The following FER1L5 variants were observed in gnomAD, a reference collection of about 807,000 sequenced individuals.
FER1L5 encodes the protein fer-1 like family member 5.
In FER1L5, 187 loss-of-function variants were observed where a neutral mutation model predicts 279.9. That is an observed-to-expected ratio of 0.67 (90% confidence interval 0.59 to 0.75). The LOEUF (loss-of-function observed/expected upper bound fraction) is 0.75. Among genes scored for constraint, FER1L5 ranks in the 30% least tolerant of loss-of-function variants. The pLI, the probability that FER1L5 is intolerant of heterozygous loss-of-function variation, is 0.00. For synonymous variants in FER1L5, 921 were observed against 989.7 expected (o/e 0.93, Z 1.30); for missense variants, 2,091 against 2,594.4 (o/e 0.81, Z 4.21).
Position 96,685,376 on chromosome 2 carries a change from A to T in FER1L5, c.1842A>T (p.Pro614=). Residue 614 remains proline (P), a synonymous_variant, in exon 21 of 53, where the codon CCA becomes CCT. Transcript: ENST00000624922. Reference sequence around the variant, plus strand: ...AATCCACGCGGAATCCGAAGGATCCAGCTCTCCTCTACCAGTGGGAGAAAC... The same window carrying T: ...AATCCACGCGGAATCCGAAGGATCCTGCTCTCCTCTACCAGTGGGAGAAAC... ...TLKSTRNPKD[P]ALLYQWEKLL... is the part of the protein sequence containing the mutation. The T allele has an allele frequency of 1.3e-6, 2 of 1,551,428 alleles. No homozygotes were observed. Among genetic ancestry groups the T allele is most frequent in the Non-Finnish European group, 1.7e-6 (2 of 1,146,890 alleles).
In FER1L5 at chr2:96,642,847, T is replaced by C; in HGVS notation, c.11T>C (p.Leu4Pro). The C allele has an allele frequency of 2.6e-6, 4 of 1,550,932 alleles. No individual in the cohort carries two copies. The highest frequency in any genetic ancestry group is 1.4e-5 in the African/African-American group (1 of 73,136). MLR[L>P]VVQSAKIDPP... ...AAGTAGGTCTCCGAGATGCTGCGGC[T>C]TGTGGTGCAGTCGGCCAAGATTGAC... Residue 4 changes from leucine to proline, a missense_variant, in exon 1 of 53, where the codon CTT becomes CCT. Physicochemically the swap from Leu to Pro is moderately conservative, Grantham distance 98. Coordinates refer to ENST00000624922, the MANE Select transcript of FER1L5 (RefSeq NM_001293083.2).
In FER1L5 at chr2:96,659,350, CTT is replaced by C. The variant is rs2075771770; in HGVS notation, c.748-990_748-989del. On this transcript the variant is annotated intron_variant, in intron 9 of 52. Transcript: ENST00000624922. ...CCTTCCTTCCTTCCTTCCTTCCTTC[CTT>C]CCTTCCTTCCTTCTTTCTTTCTTTC... Among the ~76,000 whole-genome samples the C allele has an allele frequency of 6.7e-5, 5 of 74,960 alleles. 1 individual carries two copies. The highest frequency in any genetic ancestry group is 2.7e-4 in the African/African-American group (5 of 18,788). 49.2% of individuals were successfully genotyped at this position (74,960 alleles called of 152,430 possible). A position where few individuals can be genotyped will look rare whatever the true frequency, so the allele number is the denominator to read the frequency against.
chr2:96,692,953 C>G lies in FER1L5; in HGVS notation c.3293-553C>G, dbSNP rs374799701. On this transcript the variant is annotated intron_variant, in intron 31 of 52. Transcript: ENST00000624922. ...TGCACTTTGGGAGGCCAAGGTGGGC[C>G]GATCACGAGGTCAGGAATTCGAGAC... is the stretch of plus-strand genomic sequence containing the variant. Among the ~76,000 whole-genome samples, 23 of 152,028 alleles carry G rather than the reference C, an allele frequency of 1.5e-4. No individual in the cohort carries two copies. The East Asian group carries it at 2.1e-3, about 14-fold the overall frequency.
At chr2:96,659,290 T>TTTCCTTCCTTCCCTCCCTCCTTCC (rs2075735258) in intron 9 of FER1L5, among the ~76,000 whole-genome samples, 1 of 80,942 alleles carries the variant, frequency 1.2e-5, no homozygotes, top group Non-Finnish European at 2.7e-5. Flanking sequence ...TTTATCAAGC[T>TTTCCTTCCTTCCCTCCCTCCTTCC]TTCCTTCCTT....
At chr2:96,642,977 TTC>T in intron 1 of FER1L5, 56 bp downstream of exon 1, 1 of 1,473,354 alleles carries the variant, frequency 6.8e-7, no homozygotes. Context: ...GCAACATGGA[TTC>T]AGTGAAAAAA....
At chr2:96,671,242 C>G (rs2314397) in intron 18 of FER1L5, among the ~76,000 whole-genome samples, 87,312 of 151,710 alleles carry the variant, frequency 0.58, 26,069 homozygotes, top group South Asian at 0.77. Flanking sequence ...TGGAGGGCTA[C>G]TTACTGAGGC....
At position 96,687,960 on chromosome 2, in the gene FER1L5, C is replaced by G; in HGVS notation, c.2361+13C>G. The G allele has an allele frequency of 6.4e-7, 1 of 1,550,536 alleles. No individual in the cohort carries two copies. The highest frequency in any genetic ancestry group is 8.7e-7 in the Non-Finnish European group (1 of 1,146,690). On this transcript the variant is annotated intron_variant, in intron 24 of 52. Coordinates refer to ENST00000624922, the MANE Select transcript of FER1L5 (RefSeq NM_001293083.2). The stretch of plus-strand genomic sequence containing the variant: ...GTACGCCGAGATGGTGAGTGGTGAG[C>G]GGCAGCCCAAGGCCAGGGCAGGCAC...
chr2:96,696,170 AC>A (rs2077371548), intron 37 of FER1L5, 93 bp downstream of exon 37: 1 of 1,538,888 alleles, frequency 6.5e-7, no homozygotes, highest in African/African-American at 1.4e-5. Context: ...CAGTCTGGAT[AC>A]CCGTGCCCAA....
In FER1L5 at chr2:96,702,944, A is replaced by G; in HGVS notation, c.5398-34A>G. 6.3e-7 allele frequency: 1 copy of G among 1,589,496 alleles called. No homozygotes were observed. The highest frequency in any genetic ancestry group is 8.6e-7 in the Non-Finnish European group (1 of 1,166,982). ...GGTGCAAGGGAAACGTCCAGGAGAC[A>G]GGCCGGTAACACGCCCTTCCGCCAT... On this transcript the variant is annotated intron_variant, in intron 48 of 52. Coordinates refer to ENST00000624922, the MANE Select transcript of FER1L5 (RefSeq NM_001293083.2). The surrounding 1 kb of genome is among the most constrained non-coding windows in gnomAD (Gnocchi z 4.0).
intron 37 of FER1L5, among the ~76,000 whole-genome samples, chr2:96,696,590 G>A (rs1049952034): frequency 4.6e-5 from 7 of 151,688 alleles, no homozygotes; most frequent in Non-Finnish European, 8.8e-5. Flanking sequence ...CACCATGCCC[G>A]GCCTTAAATC....
chr2:96,692,992 A>G (rs1201813640), intron 31 of FER1L5, among the ~76,000 whole-genome samples: 1 of 152,112 alleles, frequency 6.6e-6, no homozygotes, highest in African/African-American at 2.4e-5. Flanking sequence ...CCTGGCCAAC[A>G]TGGTGAAACC....
rs1221626696 is a variant in FER1L5, at chr2:96,685,991, GA to G, written c.1949del (p.Lys650ArgfsTer50). Reference protein sequence around the residue: ...YQPKATSLDRKRWQLRSLLLQ... With the variant: ...YQPKATSLDRXRWQLRSLLLQ... The stretch of plus-strand genomic sequence containing the variant: ...AGCCCAAAGCCACCAGCCTGGACAG[GA>G]AGAGGTGGCAGCTCCGCAGCCTCCT... On this transcript the variant is annotated frameshift_variant, in exon 22 of 53. Transcript: ENST00000624922. LOFTEE classifies it high-confidence loss of function. The G allele has an allele frequency of 6.4e-7, 1 of 1,551,090 alleles. No homozygotes were observed. Among genetic ancestry groups the G allele is most frequent in the African/African-American group, 1.4e-5 (1 of 73,070 alleles).
intron 19 of FER1L5, among the ~76,000 whole-genome samples, chr2:96,674,518 C>T (rs990775755): frequency 1.1e-4 from 17 of 152,160 alleles, no homozygotes; most frequent in Non-Finnish European, 2.5e-4. Flanking sequence ...GCCACCGCAC[C>T]CGGGCATCTA....
chr2:96,698,563 T>C lies in FER1L5; in HGVS notation c.4357-108T>C. 1 of 965,282 alleles carries C rather than the reference T, an allele frequency of 1.0e-6. No individual in the cohort carries two copies. Among genetic ancestry groups the C allele is most frequent in the Non-Finnish European group, 1.5e-6 (1 of 647,642 alleles). 59.8% of individuals were successfully genotyped at this position (965,282 alleles called of 1,614,324 possible). ...TCATGGCCTTCTATCCCTGCCACCC[T>C]CAGCCCAACCCTCTCTCTCCTGAAC... On this transcript the variant is annotated intron_variant, in intron 40 of 52. Coordinates refer to ENST00000624922, the MANE Select transcript of FER1L5 (RefSeq NM_001293083.2). This position sits in a 1 kb window ranked among gnomAD's most constrained non-coding sequence, Gnocchi z 5.5.
In FER1L5 at chr2:96,661,296, G is replaced by A. The variant is rs779361552; in HGVS notation, c.779-29G>A. Reference sequence around the variant, plus strand: ...GGGAGAAGGAAGGAGGCTGCAGGCAGATCTCCCATGGCCTTTCTGCCTCTC... The same window carrying A: ...GGGAGAAGGAAGGAGGCTGCAGGCAAATCTCCCATGGCCTTTCTGCCTCTC... On this transcript the variant is annotated intron_variant, in intron 10 of 52. Transcript: ENST00000624922. 8.3e-6 allele frequency: 12 copies of A among 1,451,902 alleles called. No individual in the cohort carries two copies. The South Asian group carries it at 1.6e-4, about 19-fold the overall frequency. 89.9% of individuals were successfully genotyped at this position (1,451,902 alleles called of 1,614,324 possible). A position where few individuals can be genotyped will look rare whatever the true frequency, so the allele number is the denominator to read the frequency against.
intron 6 of FER1L5, 64 bp from the exon 7 acceptor site, chr2:96,651,828 A>G: frequency 6.5e-7 from 1 of 1,546,530 alleles, no homozygotes; most frequent in South Asian, 1.2e-5. Flanking sequence ...TTTTCTTATC[A>G]GAACAATGTT....
intron 17 of FER1L5, among the ~76,000 whole-genome samples, chr2:96,669,527 C>T (rs1284667458): frequency 1.3e-5 from 2 of 152,206 alleles, no homozygotes; most frequent in African/African-American, 4.8e-5. Flanking sequence ...AGAGCCCTGT[C>T]CGCCCGGATC....
At position 96,692,196 on chromosome 2, in the gene FER1L5, G is replaced by C. The variant is rs969525759; in HGVS notation, c.3292+15G>C. ...GACATTCCAAGGTAGGTGGCAGGCAGCCTTGTCCCCAGCTGAGGACAAGGC... is the reference window on the plus strand; with the variant it reads ...GACATTCCAAGGTAGGTGGCAGGCACCCTTGTCCCCAGCTGAGGACAAGGC... On this transcript the variant is annotated intron_variant, in intron 31 of 52. Transcript: ENST00000624922. 1.9e-6 allele frequency: 3 copies of C among 1,551,510 alleles called. No homozygotes were observed.
intron 19 of FER1L5, 41 bp from the exon 20 acceptor site, chr2:96,684,286 C>T (rs1168059757): frequency 3.2e-6 from 5 of 1,539,956 alleles, no homozygotes; most frequent in South Asian, 2.4e-5. Flanking sequence ...CTCCCAGAAT[C>T]CCCCAGACAC....
Sources: allele counts gnomAD v4.1 joint callset (sites outside exome capture counted in the v4.1 genomes callset), GRCh38; gene constraint gnomAD v4.1.1; non-coding constraint Gnocchi (gnomAD v3.1); transcripts MANE v1.5; gene names NCBI Gene and HGNC (gene_info 2026-07-23, HGNC 2026-07-21).